Variants in TWIST2 observed in about 807,000 individuals in gnomAD.
The protein encoded by TWIST2 is twist family bHLH transcription factor 2.
A neutral mutation model predicts 11.6 loss-of-function variants in TWIST2; 1 was observed. The ratio of observed to expected loss-of-function variants is 0.09; its 90% CI spans 0.03 to 0.41. The LOEUF is 0.41. Ranked by LOEUF, TWIST2 falls within the 10% of genes least tolerant of loss-of-function variation. The pLI is 0.98. For synonymous variants in TWIST2, 87 were observed against 96.6 expected, an observed-to-expected ratio of 0.90 and a Z score of 0.58; for missense variants, 168 against 226.4, an observed-to-expected ratio of 0.74 and a Z score of 1.66.
At chr2:238,907,600 G>A (rs901231593) in intron 1 of TWIST2, among the ~76,000 whole-genome samples, 10 of 152,044 alleles carry the variant, frequency 6.6e-5, no homozygotes, top group African/African-American at 2.4e-4. Flanking sequence ...GGGACCTTGT[G>A]GGGCTGGAAG....
At chr2:238,897,380 G>A (rs1486167191) in intron 1 of TWIST2, among the ~76,000 whole-genome samples, 1 of 152,174 alleles carries the variant, frequency 6.6e-6, no homozygotes, top group Non-Finnish European at 1.5e-5. Context: ...CCAGGAGGAG[G>A]GGAGCCTGAC....
chr2:238,848,409 A>G lies in TWIST2; in HGVS notation c.194A>G (p.Gln65Arg). The stretch of plus-strand genomic sequence containing the variant: ...AGCGCGCAGTCCTTCGAGGAGCTGC[A>G]GAGCCAGCGCATCCTGGCCAACGTG... ...SPSAQSFEELQSQRILANVRE... is the reference protein window; with the variant it reads ...SPSAQSFEELRSQRILANVRE... The change falls in exon 1 of 2, where the codon CAG (glutamine) becomes CGG (arginine). Residue 65 changes from glutamine to arginine, a missense_variant. By Grantham distance (43) the Gln-to-Arg change is conservative. Coordinates refer to ENST00000612363, the MANE Select transcript of TWIST2 (RefSeq NM_001271893.4). 6.5e-7 allele frequency: 1 copy of G among 1,538,134 alleles called. No homozygotes were observed. The highest frequency in any genetic ancestry group is 8.7e-7 in the Non-Finnish European group (1 of 1,147,058).
intron 1 of TWIST2, among the ~76,000 whole-genome samples, chr2:238,906,590 G>C: frequency 6.6e-6 from 1 of 151,930 alleles, no homozygotes; most frequent in African/African-American, 2.4e-5. Flanking sequence ...CTTGCACATG[G>C]ACACACACTC....
intron 1 of TWIST2, among the ~76,000 whole-genome samples, chr2:238,881,294 A>C (rs541287754): frequency 8.9e-5 from 13 of 145,334 alleles, no homozygotes; most frequent in African/African-American, 3.1e-4. Context: ...TATTAATGTT[A>C]GTATCTATTA....
chr2:238,873,252 G>A (rs1028643272), intron 1 of TWIST2, among the ~76,000 whole-genome samples: 3 of 152,104 alleles, frequency 2.0e-5, no homozygotes, highest in South Asian at 2.1e-4. Context: ...GGGATGTGGC[G>A]GGGAAGAAGT....
chr2:238,900,490 A>T lies in TWIST2; in HGVS notation c.*36-9352A>T, dbSNP rs888670481. ...TTTTGCACTGGGGGATTAGTCCATCATTTGTTGTCGTACTTGCAGAGAAAG... is the reference window on the plus strand; with the variant it reads ...TTTTGCACTGGGGGATTAGTCCATCTTTTGTTGTCGTACTTGCAGAGAAAG... On this transcript the variant is annotated intron_variant, in intron 1 of 1. Transcript: ENST00000612363. 1.1e-4 allele frequency among the ~76,000 whole-genome samples: 16 copies of T among 152,262 alleles called. No homozygotes were observed. The East Asian group carries it at 2.1e-3, about 20-fold the overall frequency.
intron 1 of TWIST2, among the ~76,000 whole-genome samples, chr2:238,898,307 A>G (rs1488540456): frequency 6.6e-6 from 1 of 152,208 alleles, no homozygotes; most frequent in Non-Finnish European, 1.5e-5. Flanking sequence ...ACAAGGCCGG[A>G]TATGTTCAGC....
chr2:238,903,053 T>G lies in TWIST2; in HGVS notation c.*36-6789T>G, dbSNP rs1349763521. On this transcript the variant is annotated intron_variant, in intron 1 of 1. Coordinates refer to ENST00000612363, the MANE Select transcript of TWIST2 (RefSeq NM_001271893.4). The stretch of plus-strand genomic sequence containing the variant: ...TGTGTGATGTGTGAGGTGTGTGTGA[T>G]GTGTGTGTGATGTAGTGTGTGTGAT... Among the ~76,000 whole-genome samples, 85 of 112,826 alleles carry G rather than the reference T, an allele frequency of 7.5e-4. 1 individual carries two copies. Among genetic ancestry groups the G allele is most frequent in the Non-Finnish European group, 1.2e-3 (65 of 55,408 alleles). 74.0% of individuals were successfully genotyped at this position (112,826 alleles called of 152,430 possible). A position where few individuals can be genotyped will look rare whatever the true frequency, so the allele number is the denominator to read the frequency against.
chr2:238,876,159 C>T (rs553156169), intron 1 of TWIST2, among the ~76,000 whole-genome samples: 1 of 152,332 alleles, frequency 6.6e-6, no homozygotes, highest in Non-Finnish European at 1.5e-5. Flanking sequence ...GATGGCCACA[C>T]AGCCGCTTGG....
intron 1 of TWIST2, among the ~76,000 whole-genome samples, chr2:238,858,528 C>T (rs1190000596): frequency 1.3e-5 from 2 of 152,142 alleles, no homozygotes; most frequent in Non-Finnish European, 2.9e-5. Context: ...GGGGGATCCA[C>T]GGTTCAGAAT....
intron 1 of TWIST2, among the ~76,000 whole-genome samples, chr2:238,903,445 G>A (rs1693303710): frequency 7.0e-6 from 1 of 143,282 alleles, no homozygotes; most frequent in African/African-American, 2.6e-5. Context: ...GATGTGGGGT[G>A]TGGGTCTAAT....
At chr2:238,896,642 A>T (rs933714877) in intron 1 of TWIST2, among the ~76,000 whole-genome samples, 20 of 152,182 alleles carry the variant, frequency 1.3e-4, no homozygotes, top group Admixed American at 1.2e-3. Flanking sequence ...GCAGACACCC[A>T]TCAATCCTCT....
In TWIST2 at chr2:238,893,380, G is replaced by A. The variant is rs1441859265; in HGVS notation, c.*36-16462G>A. On this transcript the variant is annotated intron_variant, in intron 1 of 1. Transcript: ENST00000612363. ...GTTACAGATATGGCTTATGGTCAGC[G>A]TTGTTTAATTATTCAGAACAGTTTT... 4.6e-5 allele frequency among the ~76,000 whole-genome samples: 7 copies of A among 152,260 alleles called. No homozygotes were observed. The South Asian group carries it at 1.2e-3, about 27-fold the overall frequency.
At chr2:238,901,427 T>C (rs1470544790) in intron 1 of TWIST2, among the ~76,000 whole-genome samples, 1 of 152,340 alleles carries the variant, frequency 6.6e-6, no homozygotes, top group East Asian at 1.9e-4. Flanking sequence ...GGTTCCTTTT[T>C]TTGAAGCAGA....
chr2:238,886,263 C>T (rs914312208), intron 1 of TWIST2, among the ~76,000 whole-genome samples: 2 of 152,078 alleles, frequency 1.3e-5, no homozygotes, highest in Non-Finnish European at 2.9e-5. Context: ...TTCTGAAGCA[C>T]CAAAAACCCC....
chr2:238,909,520 T>C (rs1350795108), intron 1 of TWIST2, among the ~76,000 whole-genome samples: 1 of 152,102 alleles, frequency 6.6e-6, no homozygotes, highest in Non-Finnish European at 1.5e-5. Context: ...CCAGACCGCA[T>C]TCATGGCTGC....
chr2:238,857,363 A>C (rs1692350856), intron 1 of TWIST2, among the ~76,000 whole-genome samples: 1 of 152,226 alleles, frequency 6.6e-6, no homozygotes, highest in African/African-American at 2.4e-5. Context: ...AGCACGGCTC[A>C]GCATTTGCCA....
intron 1 of TWIST2, among the ~76,000 whole-genome samples, chr2:238,879,016 T>G (rs1176801790): frequency 6.6e-6 from 1 of 152,200 alleles, no homozygotes; most frequent in Non-Finnish European, 1.5e-5. Context: ...TTTAAAAAAA[T>G]TCTAATTGTA....
At chr2:238,858,688 C>T (rs959169815) in intron 1 of TWIST2, among the ~76,000 whole-genome samples, 4 of 152,162 alleles carry the variant, frequency 2.6e-5, no homozygotes, top group Non-Finnish European at 5.9e-5. Flanking sequence ...GACTAAGTTT[C>T]TTATAGCCCT....
Sources: allele counts gnomAD v4.1 joint callset (sites outside exome capture counted in the v4.1 genomes callset), GRCh38; gene constraint gnomAD v4.1.1; transcripts MANE v1.5; gene names NCBI Gene and HGNC (gene_info 2026-07-23, HGNC 2026-07-21).